ACOT2: variants seen among roughly 807,000 people sequenced by gnomAD.
The protein encoded by ACOT2 is acyl-CoA thioesterase 2.
A neutral mutation model predicts 20.1 loss-of-function variants in ACOT2; 15 were observed. The ratio of observed to expected loss-of-function variants is 0.75; its 90% confidence interval spans 0.50 to 1.15. The LOEUF is 1.15. ACOT2 is among the 50% of genes most tolerant of loss of function. The probability of loss-of-function intolerance (pLI) is 0.00; values close to 1 mark genes in which losing one functional copy is unlikely to be tolerated. For synonymous variants in ACOT2, 252 were observed against 268.4 expected (o/e 0.94, Z 0.60); for missense variants, 479 against 615.3 (o/e 0.78, Z 2.34).
In ACOT2 at chr14:73,573,575, G is replaced by T; in HGVS notation, c.831G>T (p.Leu277Phe). ...LEYFEEAMNY[L>F]LSHPEVKGPG... ...ACTTTGAAGAAGCCATGAACTACTT[G>T]CTCAGTCATCCCGAGGTTAGTTCTT... The change falls in exon 2 of 3, where the codon TTG becomes TTT. Residue 277 changes from leucine (L) to phenylalanine (F), a missense_variant. This residue lies in a region of ACOT2 where 400 missense variants were observed against 395.5 expected (regional missense o/e 1.01). Transcript: ENST00000238651. The T allele has an allele frequency of 6.2e-7, 1 of 1,613,704 alleles. No homozygotes were observed. The highest frequency in any genetic ancestry group is 2.2e-5 in the East Asian group (1 of 44,872).
chr14:73,574,267 T>A (rs1458109973), intron 2 of ACOT2: 5 of 148,682 alleles, frequency 3.4e-5, no homozygotes, highest in African/African-American at 1.0e-4. Flanking sequence ...TCCAGTATTT[T>A]TTTTTTTTTT....
chr14:73,570,794 A>G (rs961439085), intron 1 of ACOT2, among the ~76,000 whole-genome samples: 1 of 150,406 alleles, frequency 6.6e-6, no homozygotes, highest in Non-Finnish European at 1.5e-5. Context: ...AGTCCCAACT[A>G]CTTAGGAGGT....
At chr14:73,573,352 A>G (rs1889803636) in intron 1 of ACOT2, 36 bp from the exon 2 acceptor site, 2 of 1,612,850 alleles carry the variant, frequency 1.2e-6, no homozygotes. Flanking sequence ...TTTCAGGAAT[A>G]GCTTAGTTTT....
chr14:73,569,483 G>A lies in ACOT2; in HGVS notation c.243G>A (p.Val81=), dbSNP rs779552772. ...GCCGCTGCTGCTGGGACGAACCGGT[G>A]CGAATCGCCGTGCGCGGCCTAGCCC... ...PAGRCCWDEP[V]RIAVRGLAPE... is the part of the protein sequence containing the mutation. Residue 81 remains valine (V), a synonymous_variant, in exon 1 of 3, where the codon GTG becomes GTA. Transcript: ENST00000238651. 2 of 1,612,700 alleles carry A rather than the reference G, an allele frequency of 1.2e-6. No homozygotes were observed. The highest frequency in any genetic ancestry group is 1.7e-6 in the Non-Finnish European group (2 of 1,179,586).
intron 2 of ACOT2, among the ~76,000 whole-genome samples, chr14:73,573,838 T>C (rs1293544251): frequency 1.3e-5 from 2 of 151,996 alleles, no homozygotes; most frequent in Non-Finnish European, 2.9e-5. Context: ...GTGATTCTTG[T>C]GCCCCACCCT....
rs1345270699 is a variant in ACOT2 at position 73,569,351 on chromosome 14, C to G, written c.111C>G (p.Ser37Arg). 1 of 1,613,864 alleles carries G rather than the reference C, an allele frequency of 6.2e-7. No individual in the cohort carries two copies. Among genetic ancestry groups the G allele is most frequent in the African/African-American group, 1.3e-5 (1 of 74,930 alleles). The change falls in exon 1 of 3, where the codon AGC (serine) becomes AGG (arginine). Residue 37 changes from serine (S) to arginine (R), a missense_variant. Ser to Arg is a moderately radical substitution (Grantham distance 110). This residue lies in a region of ACOT2 where 400 missense variants were observed against 395.5 expected (regional missense o/e 1.01). Transcript: ENST00000238651. ...VLRASRLYQW[S>R]LKSSAQFLGS... ...GAGCGTCCCGGCTGTACCAATGGAG[C>G]CTGAAGAGTTCGGCGCAGTTCCTGG...
rs1889659087 is a variant in ACOT2 at position 73,569,315 on chromosome 14, T to C, written c.75T>C (p.Pro25=). 1 of 1,613,964 alleles carries C rather than the reference T, an allele frequency of 6.2e-7. No individual in the cohort carries two copies. Among genetic ancestry groups the C allele is most frequent in the Non-Finnish European group, 8.5e-7 (1 of 1,179,804 alleles). Residue 25 remains proline, a synonymous_variant, in exon 1 of 3, where the codon CCT becomes CCC. Coordinates refer to ENST00000238651, the MANE Select transcript of ACOT2 (RefSeq NM_006821.6). ...LRSEFKMASS[P]AVLRASRLYQ... The stretch of plus-strand genomic sequence containing the variant: ...CTGAATTCAAAATGGCCTCATCTCC[T>C]GCTGTCCTTCGAGCGTCCCGGCTGT...
upstream of ACOT2, among the ~76,000 whole-genome samples, chr14:73,568,439 C>T (rs544409574): frequency 1.8e-4 from 27 of 151,628 alleles, no homozygotes; most frequent in African/African-American, 5.3e-4. Context: ...TCCGGTAGTC[C>T]TTTGAGGTAT....
chr14:73,572,878 T>A (rs1889792571), intron 1 of ACOT2, among the ~76,000 whole-genome samples: 1 of 150,578 alleles, frequency 6.6e-6, no homozygotes, highest in South Asian at 2.1e-4. Context: ...ACTCCTGACC[T>A]CAGGTGATCC....
intron 1 of ACOT2, among the ~76,000 whole-genome samples, chr14:73,570,249 G>T (rs1889697955): frequency 6.6e-6 from 1 of 151,702 alleles, no homozygotes; most frequent in African/African-American, 2.4e-5. Flanking sequence ...AAACTGAGAG[G>T]TCCCTCAAAC....
rs1184886540 is a variant in ACOT2, at chr14:73,569,852, C to T, written c.612C>T (p.Gly204=). Residue 204 remains glycine (G), a synonymous_variant, in exon 1 of 3, where the codon GGC becomes GGT. Transcript: ENST00000238651. Reference sequence around the variant, plus strand: ...TGCGGCGCGAGCCGGTGCGCGTGGGCCGGGTGCGAGGCACGCTCTTCCTGC... The same window carrying T: ...TGCGGCGCGAGCCGGTGCGCGTGGGTCGGGTGCGAGGCACGCTCTTCCTGC... ...PGVRREPVRV[G]RVRGTLFLPP... is the part of the protein sequence containing the mutation. The T allele has an allele frequency of 1.2e-6, 2 of 1,604,734 alleles. No individual in the cohort carries two copies. Among genetic ancestry groups the T allele is most frequent in the Non-Finnish European group, 1.7e-6 (2 of 1,176,234 alleles).
At chr14:73,570,710 G>A (rs1369296731) in intron 1 of ACOT2, among the ~76,000 whole-genome samples, 1 of 151,912 alleles carries the variant, frequency 6.6e-6, no homozygotes, top group African/African-American at 2.4e-5. Context: ...TTCGAGACCA[G>A]CCTGGCCAAC....
intron 1 of ACOT2, among the ~76,000 whole-genome samples, chr14:73,570,628 G>T (rs1212840761): frequency 2.0e-5 from 3 of 151,812 alleles, no homozygotes; most frequent in Non-Finnish European, 1.5e-5. Flanking sequence ...AAACAGGCCG[G>T]GCGCGGTGGC....
Position 73,574,770 on chromosome 14 carries a change from C to T in ACOT2, c.847-138C>T, listed in dbSNP as rs547973238. ...GGAAGAGATAGAGGGGAGGTAAATT[C>T]TCAAAGTTGCAAATCTGGGTAAATG... On this transcript the variant is annotated intron_variant, in intron 2 of 2. Transcript: ENST00000238651. 214 of 1,445,538 alleles carry T rather than the reference C, an allele frequency of 1.5e-4. 1 individual carries two copies. The highest frequency in any genetic ancestry group is 2.5e-4 in the Middle Eastern group (1 of 4,014). 89.5% of individuals were successfully genotyped at this position (1,445,538 alleles called of 1,614,324 possible).
Position 73,569,624 on chromosome 14 carries a change from C to G in ACOT2, c.384C>G (p.Pro128=), listed in dbSNP as rs747156719. The G allele has an allele frequency of 1.9e-6, 3 of 1,600,936 alleles. No individual in the cohort carries two copies. The highest frequency in any genetic ancestry group is 2.2e-5 in the South Asian group (2 of 90,242). The change falls in exon 1 of 3, where the codon CCC becomes CCG. Residue 128 remains proline, a synonymous_variant. Transcript: ENST00000238651. The stretch of plus-strand genomic sequence containing the variant: ...GCGAGCTGGACCTGGAGCGCGCGCC[C>G]GCGCTGGGCGGCAGCTTCGCGGGGC... ...TLGELDLERA[P]ALGGSFAGLE...
chr14:73,569,989 G>C, intron 1 of ACOT2, 106 bp downstream of exon 1: 1 of 1,437,364 alleles, frequency 7.0e-7, no homozygotes, highest in Non-Finnish European at 9.2e-7. Context: ...CCGCGCCCCC[G>C]GGCTATATTG....
intron 2 of ACOT2, chr14:73,574,510 G>T: frequency 2.9e-6 from 1 of 348,852 alleles, no homozygotes; most frequent in African/African-American, 2.1e-5. Context: ...TGATCCACCC[G>T]CCTCAGCCTC....
At chr14:73,572,424 A>T (rs1377935166) in intron 1 of ACOT2, among the ~76,000 whole-genome samples, 3 of 152,042 alleles carry the variant, frequency 2.0e-5, no homozygotes, top group Non-Finnish European at 4.4e-5. Context: ...CACATTCAGT[A>T]TCATTCCATT....
At chr14:73,570,084 C>T (rs544226644) in intron 1 of ACOT2, among the ~76,000 whole-genome samples, 11 of 151,038 alleles carry the variant, frequency 7.3e-5, no homozygotes, top group African/African-American at 2.7e-4. Flanking sequence ...TGAGCCACCG[C>T]GCCCGGCACT....
Sources: allele counts gnomAD v4.1 joint callset (sites outside exome capture counted in the v4.1 genomes callset), GRCh38; gene constraint gnomAD v4.1.1; regional missense constraint gnomAD v4.1.1; transcripts MANE v1.5; gene names NCBI Gene and HGNC (gene_info 2026-07-23, HGNC 2026-07-21).